Variants in CDC25B observed in about 807,000 individuals in gnomAD.
CDC25B encodes cell division cycle 25B, also known as M-phase inducer phosphatase 2.
A neutral mutation model predicts 69.8 loss-of-function variants in CDC25B; 33 were observed. The observed-to-expected ratio is 0.47, with a 90% CI of 0.36 to 0.63. The LOEUF is 0.63. Among genes scored for constraint, CDC25B ranks in the 30% least tolerant of loss-of-function variants. The pLI is 0.00. For synonymous variants in CDC25B, 341 were observed against 314.6 expected (o/e 1.08, Z -0.89); for missense variants, 727 against 809.1 (o/e 0.90, Z 1.23).
intron 14 of CDC25B, 50 bp from the exon 15 acceptor site, chr20:3,804,519 C>G (rs767054316): frequency 1.7e-6 from 2 of 1,194,134 alleles, no homozygotes; most frequent in Non-Finnish European, 2.5e-6. Context: ...CCATGATGTA[C>G]AAGCCACTGC....
intron 5 of CDC25B, 110 bp from the exon 6 acceptor site, chr20:3,800,633 G>A (rs938678351): frequency 1.4e-5 from 22 of 1,589,860 alleles, no homozygotes; most frequent in Non-Finnish European, 1.8e-5. Flanking sequence ...TTCAGAGGTA[G>A]GTAGGTAAGT....
intron 1 of CDC25B, among the ~76,000 whole-genome samples, chr20:3,788,578 T>C (rs2088863455): frequency 6.6e-6 from 1 of 152,202 alleles, no homozygotes; most frequent in Non-Finnish European, 1.5e-5. Flanking sequence ...TAAAAGATAT[T>C]CTTTTAATCT....
chr20:3,803,300 C>A lies in CDC25B; in HGVS notation c.1356+94C>A. On this transcript the variant is annotated intron_variant, in intron 13 of 15. Transcript: ENST00000245960. This position sits in a 1 kb window ranked among gnomAD's most constrained non-coding sequence, Gnocchi z 4.9. ...GTGAATGGGTGGAGGACGGGTGCCC[C>A]CTCTCATGGGGAGGGTTCCTACTAA... 1 of 1,582,522 alleles carries A rather than the reference C, an allele frequency of 6.3e-7. No individual in the cohort carries two copies. Among genetic ancestry groups the A allele is most frequent in the East Asian group, 2.2e-5 (1 of 44,622 alleles).
At chr20:3,788,828 T>C (rs1412556069) in intron 1 of CDC25B, among the ~76,000 whole-genome samples, 1 of 150,908 alleles carries the variant, frequency 6.6e-6, no homozygotes, top group East Asian at 1.9e-4. Context: ...CTTCCTTCCC[T>C]TCTTTCTTTC....
chr20:3,796,264 T>G, upstream of CDC25B: 10 of 1,260,230 alleles, frequency 7.9e-6, no homozygotes, highest in East Asian at 4.2e-5. Context: ...GCGCGGCTGC[T>G]GTTATTTTTC....
At chr20:3,799,327 C>A (rs942171216) in intron 3 of CDC25B, among the ~76,000 whole-genome samples, 2 of 152,144 alleles carry the variant, frequency 1.3e-5, no homozygotes, top group African/African-American at 4.8e-5. Context: ...CTTGCCCTAC[C>A]CCCAAGGCCC....
upstream of CDC25B, among the ~76,000 whole-genome samples, chr20:3,791,408 T>A (rs2146651568): frequency 6.6e-6 from 1 of 152,122 alleles, no homozygotes; most frequent in East Asian, 1.9e-4. Flanking sequence ...TGCTACTGGG[T>A]GTGGTGGCTC....
At chr20:3,798,029 C>T (rs6107346) in intron 2 of CDC25B, among the ~76,000 whole-genome samples, 83,635 of 152,138 alleles carry the variant, frequency 0.55, 23,655 homozygotes, top group East Asian at 0.68. Flanking sequence ...TCCTAAACCA[C>T]AACCCTACCT....
chr20:3,796,424 C>CCG lies in CDC25B; in HGVS notation c.-107_-106insGC, dbSNP rs1555773166. The CCG allele has an allele frequency of 3.3e-5, 6 of 181,018 alleles. No homozygotes were observed. The highest frequency in any genetic ancestry group is 1.5e-4 in the African/African-American group (5 of 33,748). The allele number at this position is 181,018 out of a possible 1,614,324, so 11.2% of individuals were successfully genotyped here. On this transcript the variant is annotated 5_prime_UTR_variant, in exon 1 of 16. Transcript: ENST00000245960. Reference sequence around the variant, plus strand: ...CTCTTCCTCCCTCCCTCCTTCCCCCCCCCCCCACCCCTCGCCCGCTGCCTC... The same window carrying CCG: ...CTCTTCCTCCCTCCCTCCTTCCCCCCCGCCCCCCACCCCTCGCCCGCTGCCTC...
chr20:3,799,484 C>CTGTGTGTGTGTG (rs60482329), intron 3 of CDC25B, among the ~76,000 whole-genome samples: 37 of 131,716 alleles, frequency 2.8e-4, no homozygotes, highest in African/African-American at 6.4e-4. Context: ...TTCTCAGAAG[C>CTGTGTGTGTGTG]TGTGTGTGTG....
Position 3,805,696 on chromosome 20 carries a change from G to T in CDC25B, c.*735G>T, listed in dbSNP as rs2047613681. The T allele has an allele frequency of 5.0e-6, 2 of 402,880 alleles. No individual in the cohort carries two copies. Among genetic ancestry groups the T allele is most frequent in the South Asian group, 1.3e-4 (1 of 7,966 alleles). The allele number at this position is 402,880 out of a possible 1,614,324, so 25.0% of individuals were successfully genotyped here. On this transcript the variant is annotated 3_prime_UTR_variant, in exon 16 of 16. Coordinates refer to ENST00000245960, the MANE Select transcript of CDC25B (RefSeq NM_021873.4). Reference sequence around the variant, plus strand: ...TATCCTTGGGGGCTCCCAGGGCAAGGGTTAAGGCCTGAATCATGAGCCTGC... The same window carrying T: ...TATCCTTGGGGGCTCCCAGGGCAAGTGTTAAGGCCTGAATCATGAGCCTGC...
Position 3,803,646 on chromosome 20 carries a change from C to A in CDC25B, c.1490+109C>A. 7.1e-7 allele frequency: 1 copy of A among 1,406,828 alleles called. No individual in the cohort carries two copies. The allele number at this position is 1,406,828 out of a possible 1,614,324, so 87.1% of individuals were successfully genotyped here. On this transcript the variant is annotated intron_variant, in intron 14 of 15. Transcript: ENST00000245960. This position sits in a 1 kb window ranked among gnomAD's most constrained non-coding sequence, Gnocchi z 4.9. ...GCCAGGGGTGCAAGTCCAGGTCCTCCTCTGTCCCATCTGATGGCCTAGAGC... is the reference window on the plus strand; with the variant it reads ...GCCAGGGGTGCAAGTCCAGGTCCTCATCTGTCCCATCTGATGGCCTAGAGC...
intron 1 of CDC25B, 147 bp from the exon 2 acceptor site, chr20:3,797,475 A>G: frequency 9.7e-7 from 1 of 1,035,620 alleles, no homozygotes; most frequent in Non-Finnish European, 1.4e-6. Context: ...CCTTGACCTG[A>G]GAAGAGGGGG....
In CDC25B at chr20:3,800,884, G is replaced by C. The variant is rs997793868; in HGVS notation, c.582+19G>C. On this transcript the variant is annotated intron_variant, in intron 6 of 15. Coordinates refer to ENST00000245960, the MANE Select transcript of CDC25B (RefSeq NM_021873.4). ...GGAGAATGTGCGCTTCTGGAAGGCC[G>C]GGGTGGGAGCTCTCCGGGAAGAGGA... 24 of 1,613,322 alleles carry C rather than the reference G, an allele frequency of 1.5e-5. No homozygotes were observed. Among genetic ancestry groups the C allele is most frequent in the African/African-American group, 2.7e-5 (2 of 75,034 alleles).
At position 3,803,759 on chromosome 20, in the gene CDC25B, C is replaced by A. The variant is rs1178504560; in HGVS notation, c.1490+222C>A. 2.6e-5 allele frequency among the ~76,000 whole-genome samples: 4 copies of A among 152,234 alleles called. No individual in the cohort carries two copies. Among genetic ancestry groups the A allele is most frequent in the Non-Finnish European group, 5.9e-5 (4 of 68,042 alleles). On this transcript the variant is annotated intron_variant, in intron 14 of 15. Transcript: ENST00000245960. The surrounding 1 kb of genome is among the most constrained non-coding windows in gnomAD (Gnocchi z 4.9). ...ATCAAGCCTCATGTCCACCCCACAT[C>A]CATTACTGCCACCCTCAGAAAATTT... is the stretch of plus-strand genomic sequence containing the variant.
At position 3,800,803 on chromosome 20, in the gene CDC25B, G is replaced by A. The variant is rs367573455; in HGVS notation, c.520G>A (p.Gly174Ser). 7.1e-5 allele frequency: 115 copies of A among 1,612,842 alleles called. 1 individual carries two copies. Among genetic ancestry groups the A allele is most frequent in the East Asian group, 2.2e-4 (10 of 44,886 alleles). ...RNITNSQAPD[G>S]RRKSEAGSGA... ...CATCACCAACTCCCAGGCGCCCGAC[G>A]GCCGGAGGAAGAGCGAGGCGGGCAG... Residue 174 changes from glycine to serine, a missense_variant, in exon 6 of 16, where the codon GGC (glycine) becomes AGC (serine). Transcript: ENST00000245960.
In CDC25B at chr20:3,804,691, T is replaced by G; in HGVS notation, c.1602+11T>G. On this transcript the variant is annotated intron_variant, in intron 15 of 15. Transcript: ENST00000245960. ...TTCCCTCAGCACCCGGTAGCGTGGGTGGGGAAGGCCACAGTCTCTGTGTGA... is the reference window on the plus strand; with the variant it reads ...TTCCCTCAGCACCCGGTAGCGTGGGGGGGGAAGGCCACAGTCTCTGTGTGA... 1 of 1,411,200 alleles carries G rather than the reference T, an allele frequency of 7.1e-7. No individual in the cohort carries two copies. The highest frequency in any genetic ancestry group is 1.7e-5 in the African/African-American group (1 of 59,010). 87.4% of individuals were successfully genotyped at this position (1,411,200 alleles called of 1,614,324 possible).
chr20:3,795,328 C>T (rs953821863), upstream of CDC25B, among the ~76,000 whole-genome samples: 1 of 150,990 alleles, frequency 6.6e-6, no homozygotes, highest in Non-Finnish European at 1.5e-5. Flanking sequence ...CACTGCACTC[C>T]AGCCGGGTTG....
intron 5 of CDC25B, 38 bp downstream of exon 5, chr20:3,800,536 C>G (rs2089240385): frequency 7.4e-6 from 12 of 1,610,918 alleles, no homozygotes; most frequent in Non-Finnish European, 1.0e-5. Context: ...CTTAGGCATG[C>G]TAGCCAGGCA....
Sources: gnomAD v4.1 joint callset for allele counts (sites outside exome capture counted in the v4.1 genomes callset) on GRCh38, gnomAD v4.1.1 for gene constraint, Gnocchi (gnomAD v3.1) non-coding constraint, MANE v1.5 for transcripts, NCBI Gene and HGNC (gene_info 2026-07-23, HGNC 2026-07-21) for gene names.